Variants in RAB6A observed in about 807,000 individuals in gnomAD.
RAB6A encodes RAB6A, member RAS oncogene family, also known as ras-related protein Rab-6A.
In RAB6A, 8 loss-of-function variants were observed where a neutral mutation model predicts 32.3. That is an observed-to-expected ratio of 0.25 (90% CI 0.15 to 0.45). The LOEUF (loss-of-function observed/expected upper bound fraction) is 0.45, where lower values mean the gene tolerates loss of function less well. RAB6A is among the 20% of genes least tolerant of loss of function. The pLI, the probability that RAB6A is intolerant of heterozygous loss-of-function variation, is 1.00. For missense variants in RAB6A, 104 were observed against 249.4 expected, an observed-to-expected ratio of 0.42 and a Z score of 3.93; for synonymous variants, 73 against 82.1, an observed-to-expected ratio of 0.89 and a Z score of 0.60.
chr11:73,749,560 T>C lies in RAB6A; in HGVS notation c.70+11006A>G, dbSNP rs1162209500. Among the ~76,000 whole-genome samples, 4 of 152,048 alleles carry C rather than the reference T, an allele frequency of 2.6e-5. 1 individual carries two copies. Among genetic ancestry groups the C allele is most frequent in the Admixed American group, 2.6e-4 (4 of 15,248 alleles). ...TTAATGACAATTTAAGAAACCAAAA[T>C]AGGCTGGGCTCAGTGGCTCATGACT... is the stretch of plus-strand genomic sequence containing the variant. On this transcript the variant is annotated intron_variant, in intron 1 of 7. Coordinates refer to ENST00000336083, the MANE Select transcript of RAB6A (RefSeq NM_198896.2).
intron 5 of RAB6A, among the ~76,000 whole-genome samples, chr11:73,710,059 C>T (rs1361636270): frequency 1.3e-5 from 2 of 149,112 alleles, no homozygotes; most frequent in East Asian, 4.0e-4. Context: ...CCCAGGTTCA[C>T]GCCATTCTCC....
At chr11:73,702,852 A>G (rs1452280679) in intron 6 of RAB6A, among the ~76,000 whole-genome samples, 3 of 151,522 alleles carry the variant, frequency 2.0e-5, no homozygotes, top group East Asian at 3.9e-4. Context: ...AATTTTATAT[A>G]TATTATTATT....
intron 6 of RAB6A, among the ~76,000 whole-genome samples, chr11:73,702,301 C>T (rs549797648): frequency 6.6e-6 from 1 of 152,284 alleles, no homozygotes; most frequent in East Asian, 1.9e-4. Context: ...GCTGGAACTA[C>T]AGGTGCATGC....
intron 6 of RAB6A, among the ~76,000 whole-genome samples, chr11:73,690,924 G>A (rs1438980390): frequency 2.7e-5 from 4 of 147,636 alleles, no homozygotes; most frequent in African/African-American, 5.0e-5. Flanking sequence ...ACGAACAGCC[G>A]CATCTCAGTA....
At chr11:73,726,960 G>A (rs904312568) in intron 2 of RAB6A, among the ~76,000 whole-genome samples, 9 of 152,072 alleles carry the variant, frequency 5.9e-5, no homozygotes, top group Non-Finnish European at 2.9e-5. Context: ...CTGAGATTAT[G>A]GAAACGAAAA....
chr11:73,740,861 C>A (rs1388861548), intron 1 of RAB6A, among the ~76,000 whole-genome samples: 6 of 150,844 alleles, frequency 4.0e-5, no homozygotes, highest in Non-Finnish European at 2.9e-5. Flanking sequence ...GCACTCCAGC[C>A]TGGGCAACAG....
intron 6 of RAB6A, among the ~76,000 whole-genome samples, chr11:73,700,330 A>G (rs1945720335): frequency 6.6e-6 from 1 of 152,292 alleles, no homozygotes; most frequent in Middle Eastern, 3.4e-3. Context: ...GCCAGGCACC[A>G]TGGCTCACAC....
At chr11:73,751,747 A>C (rs1946672454) in intron 1 of RAB6A, among the ~76,000 whole-genome samples, 1 of 152,160 alleles carries the variant, frequency 6.6e-6, no homozygotes. Flanking sequence ...GTATGTTATG[A>C]CTTCAAACCC....
chr11:73,710,134 GTT>G (rs60147602), intron 5 of RAB6A, among the ~76,000 whole-genome samples: 1,452 of 139,970 alleles, frequency 0.01, 22 homozygotes, highest in South Asian at 0.026. Context: ...AATTTTTTGT[GTT>G]TTTTTTTTTT....
chr11:73,684,306 T>C (rs771038954), intron 6 of RAB6A, among the ~76,000 whole-genome samples: 1 of 151,948 alleles, frequency 6.6e-6, no homozygotes, highest in East Asian at 1.9e-4. Context: ...GTAGATGAGA[T>C]TACAGGCATC....
intron 6 of RAB6A, among the ~76,000 whole-genome samples, chr11:73,703,044 ACTC>A (rs902405471): frequency 2.0e-4 from 30 of 150,922 alleles, no homozygotes; most frequent in African/African-American, 7.1e-4. Flanking sequence ...TTTTAGTAGA[ACTC>A]CTGACCTCAA....
rs532425368 is a variant in RAB6A at position 73,747,934 on chromosome 11, C to T, written c.70+12632G>A. On this transcript the variant is annotated intron_variant, in intron 1 of 7. Coordinates refer to ENST00000336083, the MANE Select transcript of RAB6A (RefSeq NM_198896.2). ...TTATCTTATTCCTAACGATGTTAACCTTGATCACTTGGTTATTGGTGGTGT... is the reference window on the plus strand; with the variant it reads ...TTATCTTATTCCTAACGATGTTAACTTTGATCACTTGGTTATTGGTGGTGT... Among the ~76,000 whole-genome samples the T allele has an allele frequency of 1.9e-3, 286 of 152,264 alleles. 1 individual carries two copies. Among genetic ancestry groups the T allele is most frequent in the Non-Finnish European group, 3.4e-3 (232 of 68,018 alleles).
intron 5 of RAB6A, among the ~76,000 whole-genome samples, chr11:73,714,688 G>A (rs1418315188): frequency 6.7e-6 from 1 of 149,914 alleles, no homozygotes; most frequent in African/African-American, 2.5e-5. Context: ...ATAAAATAAA[G>A]GTACTGGCAG....
At chr11:73,755,952 A>G (rs577013918) in intron 1 of RAB6A, among the ~76,000 whole-genome samples, 10 of 152,212 alleles carry the variant, frequency 6.6e-5, no homozygotes, top group African/African-American at 1.7e-4. Context: ...AAGAACAACA[A>G]TAACAACTAC....
chr11:73,717,949 A>C (rs1437130230), intron 4 of RAB6A, among the ~76,000 whole-genome samples: 1 of 152,230 alleles, frequency 6.6e-6, no homozygotes, highest in Non-Finnish European at 1.5e-5. Flanking sequence ...ATTTACAATC[A>C]CTTAAAAGGC....
At position 73,675,665 on chromosome 11, in the gene RAB6A, A is replaced by AT. The variant is rs1945260601; in HGVS notation, c.*2232dup. 1 of 153,728 alleles carries AT rather than the reference A, an allele frequency of 6.5e-6. No individual in the cohort carries two copies. The highest frequency in any genetic ancestry group is 2.1e-4 in the South Asian group (1 of 4,826). 9.5% of individuals were successfully genotyped at this position (153,728 alleles called of 1,614,324 possible). A position where few individuals can be genotyped will look rare whatever the true frequency, so the allele number is the denominator to read the frequency against. ...GTTTTCTTTCGTGTTTTATTTATAT[A>AT]TTTTTGGCAGCAAAATTGTGTTTAT... is the stretch of plus-strand genomic sequence containing the variant. On this transcript the variant is annotated 3_prime_UTR_variant, in exon 8 of 8. Transcript: ENST00000336083.
At chr11:73,709,532 A>C (rs1945907640) in intron 5 of RAB6A, among the ~76,000 whole-genome samples, 1 of 148,610 alleles carries the variant, frequency 6.7e-6, no homozygotes, top group Non-Finnish European at 1.5e-5. Context: ...GTTTTCCTAC[A>C]GTTTGACCAG....
At chr11:73,703,083 A>G (rs1023844991) in intron 6 of RAB6A, among the ~76,000 whole-genome samples, 2 of 151,978 alleles carry the variant, frequency 1.3e-5, no homozygotes, top group Admixed American at 1.3e-4. Context: ...CAGCCTCCGA[A>G]AGTGCTGGGA....
rs1946147713 is a variant in RAB6A, at chr11:73,722,321, ATATATATATATATATATATATATTTT to A, written c.130-1448_130-1423del. ...TGTGTGTGTGTATATATATATATAT[ATATATATATATATATATATATATTTT>A]TTTTTTTTTTTTTTTTTTTTGAGAC... On this transcript the variant is annotated intron_variant, in intron 2 of 7. Transcript: ENST00000336083. 4.6e-4 allele frequency: 5 copies of A among 10,794 alleles called. No homozygotes were observed. In the Admixed American group the frequency reaches 8.9e-3, roughly 19 times the overall value. The allele number at this position is 10,794 out of a possible 1,614,324, so 0.7% of individuals were successfully genotyped here. A position where few individuals can be genotyped will look rare whatever the true frequency, so the allele number is the denominator to read the frequency against.
Sources: allele counts gnomAD v4.1 joint callset (sites outside exome capture counted in the v4.1 genomes callset), GRCh38; gene constraint gnomAD v4.1.1; transcripts MANE v1.5; gene names NCBI Gene and HGNC (gene_info 2026-07-23, HGNC 2026-07-21).